The following FAM168B variants were observed in gnomAD, a reference collection of about 807,000 sequenced individuals.
The protein encoded by FAM168B is family with sequence similarity 168 member B, also known as myelin-associated neurite-outgrowth inhibitor.
In FAM168B, 19 loss-of-function variants were observed where a neutral mutation model predicts 21.8. The ratio of observed to expected loss-of-function variants is 0.87; its 90% confidence interval spans 0.61 to 1.28. The LOEUF (loss-of-function observed/expected upper bound fraction) is 1.28. Ranked by LOEUF, FAM168B falls within the 50% of genes most tolerant of loss-of-function variation. The pLI is 0.00. For missense variants in FAM168B, 233 were observed against 263.1 expected (o/e 0.89, Z 0.79); for synonymous variants, 126 against 104.8 (o/e 1.20, Z -1.24).
At position 131,050,926 on chromosome 2, in the gene FAM168B, C is replaced by T. The variant is rs1443195484; in HGVS notation, c.*1539G>A. The stretch of plus-strand genomic sequence containing the variant: ...GGACCCAGGCCTTACATCCCCCACC[C>T]CCACTCTGACCCTCACTGAGAACCG... On this transcript the variant is annotated 3_prime_UTR_variant, in exon 7 of 7. Coordinates refer to ENST00000389915, the MANE Select transcript of FAM168B (RefSeq NM_001009993.4). 6.1e-6 allele frequency: 6 copies of T among 985,588 alleles called. No individual in the cohort carries two copies. In the African/African-American group the frequency reaches 7.0e-5, roughly 11 times the overall value. 61.1% of individuals were successfully genotyped at this position (985,588 alleles called of 1,614,324 possible).
chr2:131,060,144 G>A (rs1692220809), intron 3 of FAM168B, among the ~76,000 whole-genome samples: 1 of 152,088 alleles, frequency 6.6e-6, no homozygotes, highest in Non-Finnish European at 1.5e-5. Context: ...TTCTGCCTCA[G>A]CCTCTCAAGT....
At chr2:131,075,020 T>C (rs951816129) in intron 2 of FAM168B, among the ~76,000 whole-genome samples, 1 of 152,152 alleles carries the variant, frequency 6.6e-6, no homozygotes, top group Non-Finnish European at 1.5e-5. Context: ...CATTCCGGGT[T>C]TCCCTCCTGG....
At position 131,048,860 on chromosome 2, in the gene FAM168B, C is replaced by A; in HGVS notation, c.*3605G>T. 1.0e-6 allele frequency: 1 copy of A among 986,272 alleles called. No homozygotes were observed. Among genetic ancestry groups the A allele is most frequent in the Middle Eastern group, 5.2e-4 (1 of 1,918 alleles). 61.1% of individuals were successfully genotyped at this position (986,272 alleles called of 1,614,324 possible). A position where few individuals can be genotyped will look rare whatever the true frequency, so the allele number is the denominator to read the frequency against. ...GCCACACCCCTGCCACCTGCTGCTG[C>A]GCCCAATGGAGGTCCTGTCCTGTCC... On this transcript the variant is annotated 3_prime_UTR_variant, in exon 7 of 7. Transcript: ENST00000389915.
intron 3 of FAM168B, among the ~76,000 whole-genome samples, chr2:131,064,875 G>T (rs1465508419): frequency 1.3e-5 from 2 of 152,172 alleles, no homozygotes; most frequent in Non-Finnish European, 2.9e-5. Flanking sequence ...GCTAAGAAGA[G>T]ATCTCAACAC....
At chr2:131,087,341 A>G (rs1450333039) in intron 1 of FAM168B, among the ~76,000 whole-genome samples, 3 of 151,984 alleles carry the variant, frequency 2.0e-5, no homozygotes, top group Admixed American at 6.6e-5. Flanking sequence ...GTGTGTTGGC[A>G]GGCACCTGTA....
At chr2:131,068,999 G>C (rs146745396) in intron 3 of FAM168B, among the ~76,000 whole-genome samples, 1,902 of 152,296 alleles carry the variant, frequency 0.012, 30 homozygotes, top group African/African-American at 0.043. Context: ...CTGGGCGACA[G>C]AGCAAGACCC....
Position 131,049,297 on chromosome 2 carries a change from C to A in FAM168B, c.*3168G>T. The A allele has an allele frequency of 1.0e-6, 1 of 985,486 alleles. No individual in the cohort carries two copies. The highest frequency in any genetic ancestry group is 1.2e-6 in the Non-Finnish European group (1 of 830,010). 61.0% of individuals were successfully genotyped at this position (985,486 alleles called of 1,614,324 possible). ...TGGGGAAGGGCAAGACACTCACTGA[C>A]CAGGTGCCCACCCCAAGGCTCAGGA... On this transcript the variant is annotated 3_prime_UTR_variant, in exon 7 of 7. Transcript: ENST00000389915.
Position 131,051,215 on chromosome 2 carries a change from G to T in FAM168B, c.*1250C>A. 5 of 985,220 alleles carry T rather than the reference G, an allele frequency of 5.1e-6. No individual in the cohort carries two copies. The highest frequency in any genetic ancestry group is 6.0e-6 in the Non-Finnish European group (5 of 829,920). 61.0% of individuals were successfully genotyped at this position (985,220 alleles called of 1,614,324 possible). A position where few individuals can be genotyped will look rare whatever the true frequency, so the allele number is the denominator to read the frequency against. On this transcript the variant is annotated 3_prime_UTR_variant, in exon 7 of 7. Coordinates refer to ENST00000389915, the MANE Select transcript of FAM168B (RefSeq NM_001009993.4). ...CCTCCCCCTCGCCCCATCTCTAAGC[G>T]TCCCCTCCAGCCGGCCTCAGCAGAC...
In FAM168B at chr2:131,049,456, G is replaced by C; in HGVS notation, c.*3009C>G. On this transcript the variant is annotated 3_prime_UTR_variant, in exon 7 of 7. Coordinates refer to ENST00000389915, the MANE Select transcript of FAM168B (RefSeq NM_001009993.4). ...CTCACGAGAGACATAAAAGGTTCTG[G>C]AAGTGCCTTCAGGCCCATTACCATG... The C allele has an allele frequency of 1.0e-6, 1 of 985,394 alleles. No individual in the cohort carries two copies. Among genetic ancestry groups the C allele is most frequent in the Non-Finnish European group, 1.2e-6 (1 of 829,936 alleles). 61.0% of individuals were successfully genotyped at this position (985,394 alleles called of 1,614,324 possible).
At chr2:131,081,645 C>T (rs549908253) in intron 2 of FAM168B, among the ~76,000 whole-genome samples, 1 of 152,190 alleles carries the variant, frequency 6.6e-6, no homozygotes, top group African/African-American at 2.4e-5. Flanking sequence ...TCCAGAGGGA[C>T]GAGAATGACT....
At chr2:131,071,743 T>C in intron 3 of FAM168B, 112 bp downstream of exon 3, 2 of 903,814 alleles carry the variant, frequency 2.2e-6, no homozygotes, top group Non-Finnish European at 3.6e-6. Flanking sequence ...TTAATGAACT[T>C]GAGAAATCGA....
intron 3 of FAM168B, among the ~76,000 whole-genome samples, chr2:131,057,713 T>C (rs1206433951): frequency 6.6e-6 from 1 of 152,214 alleles, no homozygotes; most frequent in Non-Finnish European, 1.5e-5. Flanking sequence ...GCCTCTGCAT[T>C]CTGCCTGGGC....
chr2:131,077,282 G>C (rs1051934285), intron 2 of FAM168B, among the ~76,000 whole-genome samples: 3 of 151,124 alleles, frequency 2.0e-5, no homozygotes, highest in African/African-American at 4.9e-5. Flanking sequence ...CTTACAAAGC[G>C]AAGTGAGCAA....
rs1365872099 is a variant in FAM168B, at chr2:131,047,931, G to A, written c.*4534C>T. The A allele has an allele frequency of 9.1e-6, 2 of 220,630 alleles. No homozygotes were observed. The highest frequency in any genetic ancestry group is 2.3e-5 in the African/African-American group (1 of 43,782). 13.7% of individuals were successfully genotyped at this position (220,630 alleles called of 1,614,324 possible). On this transcript the variant is annotated 3_prime_UTR_variant, in exon 7 of 7. Coordinates refer to ENST00000389915, the MANE Select transcript of FAM168B (RefSeq NM_001009993.4). The stretch of plus-strand genomic sequence containing the variant: ...GCAGTATTAATACATAACAATTCTT[G>A]TTACAATAAACGTGCTTTTGAGATT...
Position 131,050,980 on chromosome 2 carries a change from C to G in FAM168B, c.*1485G>C, listed in dbSNP as rs1453388295. ...TGCACTCTCATGGATACAGGACGGG[C>G]ATATTTTGGGGGCGGGGTGGAGGGA... is the stretch of plus-strand genomic sequence containing the variant. On this transcript the variant is annotated 3_prime_UTR_variant, in exon 7 of 7. Coordinates refer to ENST00000389915, the MANE Select transcript of FAM168B (RefSeq NM_001009993.4). 1 of 985,152 alleles carries G rather than the reference C, an allele frequency of 1.0e-6. No individual in the cohort carries two copies. The highest frequency in any genetic ancestry group is 1.2e-6 in the Non-Finnish European group (1 of 829,956). 61.0% of individuals were successfully genotyped at this position (985,152 alleles called of 1,614,324 possible).
intron 3 of FAM168B, among the ~76,000 whole-genome samples, chr2:131,058,374 C>T (rs1164249332): frequency 6.6e-6 from 1 of 152,098 alleles, no homozygotes; most frequent in Admixed American, 6.6e-5. Flanking sequence ...CATGGTCTCA[C>T]GGTGGGAGGT....
intron 2 of FAM168B, among the ~76,000 whole-genome samples, chr2:131,077,296 C>T (rs1240338516): frequency 5.3e-5 from 8 of 151,962 alleles, no homozygotes; most frequent in East Asian, 3.9e-4. Context: ...TGAGCAACGC[C>T]GCCTGCATCT....
chr2:131,092,807 AAAAAAAT>A (rs1400849099), intron 1 of FAM168B, among the ~76,000 whole-genome samples: 1 of 150,058 alleles, frequency 6.7e-6, no homozygotes, highest in African/African-American at 2.5e-5. Flanking sequence ...TCCGCCAAGC[AAAAAAAT>A]AAAAATAAAA....
chr2:131,062,673 C>A (rs1238371334), intron 3 of FAM168B, among the ~76,000 whole-genome samples: 1 of 152,174 alleles, frequency 6.6e-6, no homozygotes, highest in Non-Finnish European at 1.5e-5. Context: ...GTCTCGAAGT[C>A]CTGATCTCAA....
Sources: gnomAD v4.1 joint callset for allele counts (sites outside exome capture counted in the v4.1 genomes callset) on GRCh38, gnomAD v4.1.1 for gene constraint, MANE v1.5 for transcripts, NCBI Gene and HGNC (gene_info 2026-07-23, HGNC 2026-07-21) for gene names.